The following SGCZ variants were observed in gnomAD, a reference collection of about 807,000 sequenced individuals.
SGCZ encodes the protein sarcoglycan zeta.
Under a neutral mutation model 41.3 loss-of-function variants are expected in SGCZ, and 40 were observed. That is an observed-to-expected ratio of 0.97 (90% CI 0.75 to 1.26). The LOEUF is 1.26. Ranked by LOEUF, SGCZ falls within the 50% of genes most tolerant of loss-of-function variation. SGCZ has a pLI of 0.00. For synonymous variants in SGCZ, 206 were observed against 137.5 expected (o/e 1.50, Z -3.49); for missense variants, 552 against 369.8 (o/e 1.49, Z -4.04).
intron 1 of SGCZ, among the ~76,000 whole-genome samples, chr8:15,159,675 A>C (rs1799444442): frequency 6.7e-6 from 1 of 150,354 alleles, no homozygotes; most frequent in Non-Finnish European, 1.5e-5. Flanking sequence ...GTGAGAACAG[A>C]GGAAAAAGAG....
chr8:14,128,662 T>G (rs1283211340), intron 5 of SGCZ, among the ~76,000 whole-genome samples: 3 of 152,088 alleles, frequency 2.0e-5, no homozygotes, highest in Non-Finnish European at 4.4e-5. Flanking sequence ...TGTCCATCAG[T>G]GAATGTCTGA....
At chr8:14,518,951 C>A (rs1460709975) in intron 2 of SGCZ, among the ~76,000 whole-genome samples, 2 of 150,432 alleles carry the variant, frequency 1.3e-5, no homozygotes, top group African/African-American at 4.9e-5. Flanking sequence ...TGCCTGCGGT[C>A]CCAGATACTT....
At chr8:14,108,128 G>A (rs760490816) in intron 6 of SGCZ, 35 bp downstream of exon 6, 20 of 1,591,506 alleles carry the variant, frequency 1.3e-5, no homozygotes, top group Non-Finnish European at 1.6e-5. Flanking sequence ...AACAATGATG[G>A]ATTTTATGCC....
intron 1 of SGCZ, among the ~76,000 whole-genome samples, chr8:14,999,783 C>T (rs1462845153): frequency 6.6e-6 from 1 of 152,148 alleles, no homozygotes; most frequent in Non-Finnish European, 1.5e-5. Context: ...TCCCATGCAC[C>T]ATGCAAAGTA....
chr8:14,808,385 GA>G lies in SGCZ; in HGVS notation c.40-253460del, dbSNP rs990139826. On this transcript the variant is annotated intron_variant, in intron 1 of 7. Coordinates refer to ENST00000382080, the MANE Select transcript of SGCZ (RefSeq NM_139167.4). ...ACGATGAACTCAAACAAATTTACAA[GA>G]AAAAAAACAAACAACCCCATCAAAA... Among the ~76,000 whole-genome samples, 694 of 151,404 alleles carry G rather than the reference GA, an allele frequency of 4.6e-3. 8 individuals carry two copies. The highest frequency in any genetic ancestry group is 8.2e-3 in the Non-Finnish European group (556 of 67,840).
intron 1 of SGCZ, among the ~76,000 whole-genome samples, chr8:14,668,693 C>T (rs1440774470): frequency 1.3e-5 from 2 of 152,130 alleles, no homozygotes. Flanking sequence ...TATACTGTCA[C>T]AGAACAGCAG....
intron 1 of SGCZ, among the ~76,000 whole-genome samples, chr8:14,791,646 G>T (rs1800958005): frequency 1.3e-5 from 2 of 152,142 alleles, no homozygotes; most frequent in African/African-American, 2.4e-5. Context: ...CAAACTTTCT[G>T]TTTAAATAAA....
intron 5 of SGCZ, among the ~76,000 whole-genome samples, chr8:14,132,533 T>C (rs1803073580): frequency 6.6e-6 from 1 of 152,218 alleles, no homozygotes. Flanking sequence ...TTATACTTTC[T>C]ATTTAACAAT....
At chr8:14,577,679 C>T (rs1389595542) in intron 1 of SGCZ, among the ~76,000 whole-genome samples, 4 of 152,000 alleles carry the variant, frequency 2.6e-5, no homozygotes, top group South Asian at 2.1e-4. Context: ...TGAGCCACGG[C>T]GCCTGGCCCC....
At chr8:14,996,847 T>C (rs1036487381) in intron 1 of SGCZ, among the ~76,000 whole-genome samples, 4 of 152,226 alleles carry the variant, frequency 2.6e-5, no homozygotes, top group Admixed American at 2.6e-4. Flanking sequence ...ACTTGGATCC[T>C]TGGCCAACTT....
At chr8:14,765,185 T>A (rs1281439307) in intron 1 of SGCZ, among the ~76,000 whole-genome samples, 2 of 152,166 alleles carry the variant, frequency 1.3e-5, no homozygotes, top group Non-Finnish European at 2.9e-5. Flanking sequence ...TTTAAAGACC[T>A]GGACTTGATT....
chr8:14,600,312 A>G (rs1585114373), intron 1 of SGCZ, among the ~76,000 whole-genome samples: 1 of 152,090 alleles, frequency 6.6e-6, no homozygotes, highest in South Asian at 2.1e-4. Context: ...CTTTAACGGC[A>G]TCTATATACT....
intron 2 of SGCZ, among the ~76,000 whole-genome samples, chr8:14,548,643 A>C (rs2117171127): frequency 6.6e-6 from 1 of 152,208 alleles, no homozygotes; most frequent in African/African-American, 2.4e-5. Context: ...CCATTTTCTA[A>C]GTTCTGCCGT....
intron 1 of SGCZ, among the ~76,000 whole-genome samples, chr8:14,736,362 T>C (rs1404437767): frequency 6.6e-6 from 1 of 152,180 alleles, no homozygotes; most frequent in Non-Finnish European, 1.5e-5. Flanking sequence ...CTGCAACATT[T>C]TTTTATTAGT....
intron 1 of SGCZ, among the ~76,000 whole-genome samples, chr8:14,595,144 A>T (rs2117296002): frequency 6.6e-6 from 1 of 152,334 alleles, no homozygotes; most frequent in South Asian, 2.1e-4. Context: ...AACTGGAATT[A>T]GTTCTACCCT....
intron 1 of SGCZ, among the ~76,000 whole-genome samples, chr8:15,165,489 A>C (rs145533215): frequency 2.0e-4 from 31 of 152,290 alleles, no homozygotes; most frequent in African/African-American, 7.2e-4. Flanking sequence ...GAACTATTTG[A>C]CATGCTGGCT....
rs201881681 is a variant in SGCZ at position 14,674,928 on chromosome 8, GTTTTTTTTTTTTTT to G, written c.40-120016_40-120003del. Among the ~76,000 whole-genome samples, 4 of 70,998 alleles carry G rather than the reference GTTTTTTTTTTTTTT, an allele frequency of 5.6e-5. No homozygotes were observed. In the Admixed American group the frequency reaches 8.2e-4, roughly 15 times the overall value. 46.6% of individuals were successfully genotyped at this position (70,998 alleles called of 152,430 possible). A position where few individuals can be genotyped will look rare whatever the true frequency, so the allele number is the denominator to read the frequency against. ...GCCAATTTAACCTCTTTTCTTTTCT[GTTTTTTTTTTTTTT>G]TTTTTTTTTTTTTTGAGATGGAGTC... On this transcript the variant is annotated intron_variant, in intron 1 of 7. Coordinates refer to ENST00000382080, the MANE Select transcript of SGCZ (RefSeq NM_139167.4).
intron 1 of SGCZ, among the ~76,000 whole-genome samples, chr8:15,043,715 G>T (rs1804196134): frequency 6.6e-6 from 1 of 151,872 alleles, no homozygotes; most frequent in Non-Finnish European, 1.5e-5. Flanking sequence ...AATACTTTTG[G>T]AATTCTTTAG....
chr8:15,144,817 G>T (rs995206768), intron 1 of SGCZ, among the ~76,000 whole-genome samples: 11 of 152,300 alleles, frequency 7.2e-5, no homozygotes, highest in African/African-American at 1.9e-4. Flanking sequence ...AAGCAGCAGT[G>T]CTTAGGGACA....
Sources: allele counts gnomAD v4.1 joint callset (sites outside exome capture counted in the v4.1 genomes callset), GRCh38; gene constraint gnomAD v4.1.1; transcripts MANE v1.5; gene names NCBI Gene and HGNC (gene_info 2026-07-23, HGNC 2026-07-21).